Variants in PID1 observed in about 807,000 individuals in gnomAD.
PID1 encodes phosphotyrosine interaction domain containing 1.
PID1 carries 10 observed loss-of-function variants against 19.1 expected under a neutral mutation model. The observed-to-expected ratio is 0.52, with a 90% confidence interval of 0.32 to 0.89. The LOEUF (loss-of-function observed/expected upper bound fraction) is 0.89, where lower values mean the gene tolerates loss of function less well. PID1 is among the 40% of genes least tolerant of loss of function. The pLI is 0.03. For missense variants in PID1, 248 were observed against 285.3 expected (o/e 0.87, Z 0.94); for synonymous variants, 130 against 116.0 (o/e 1.12, Z -0.78).
At chr2:229,077,901 G>C (rs1480974252) in intron 2 of PID1, among the ~76,000 whole-genome samples, 1 of 152,174 alleles carries the variant, frequency 6.6e-6, no homozygotes. Flanking sequence ...ATTTAAAATA[G>C]TTTTTTCTAA....
At chr2:229,062,592 G>T (rs1190907698) in intron 2 of PID1, among the ~76,000 whole-genome samples, 1 of 151,748 alleles carries the variant, frequency 6.6e-6, no homozygotes. Context: ...TGGTGATGAT[G>T]ATTACCAAAA....
rs1690726836 is a variant in PID1, at chr2:229,271,105, G to A, written c.-62C>T. On this transcript the variant is annotated 5_prime_UTR_variant, in exon 1 of 3. Coordinates refer to ENST00000392055, the MANE Select transcript of PID1 (RefSeq NM_001100818.2). The stretch of plus-strand genomic sequence containing the variant: ...GAGACTGTCGATCGCGCCGGGGGGC[G>A]AGGGGCTGGGGTCCCGCTTTACATC... 2 of 1,520,216 alleles carry A rather than the reference G, an allele frequency of 1.3e-6. No homozygotes were observed. The highest frequency in any genetic ancestry group is 1.8e-6 in the Non-Finnish European group (2 of 1,126,370). 94.2% of individuals were successfully genotyped at this position (1,520,216 alleles called of 1,614,324 possible).
intron 1 of PID1, among the ~76,000 whole-genome samples, chr2:229,226,145 G>A (rs1559293289): frequency 6.6e-6 from 1 of 152,132 alleles, no homozygotes; most frequent in Non-Finnish European, 1.5e-5. Context: ...TTCCAGCCAG[G>A]ATGCTGATGC....
chr2:229,117,069 G>A (rs1695424623), intron 2 of PID1, among the ~76,000 whole-genome samples: 1 of 152,126 alleles, frequency 6.6e-6, no homozygotes, highest in Non-Finnish European at 1.5e-5. Context: ...TTATTTATAT[G>A]TGAATAGCTC....
At chr2:229,109,743 C>T (rs1008715148) in intron 2 of PID1, among the ~76,000 whole-genome samples, 1 of 152,146 alleles carries the variant, frequency 6.6e-6, no homozygotes, top group South Asian at 2.1e-4. Flanking sequence ...GATGTAACAC[C>T]TGGAATGTAT....
At chr2:229,057,969 A>G (rs1574593092) in intron 2 of PID1, among the ~76,000 whole-genome samples, 2 of 152,350 alleles carry the variant, frequency 1.3e-5, no homozygotes, top group South Asian at 2.1e-4. Flanking sequence ...GGAATTAGAA[A>G]GCAATTAGAA....
chr2:229,028,658 T>C (rs1283427634), intron 2 of PID1, among the ~76,000 whole-genome samples: 3 of 152,160 alleles, frequency 2.0e-5, no homozygotes, highest in Non-Finnish European at 4.4e-5. Context: ...GTGGTACATA[T>C]ACACCATGTA....
rs149388186 is a variant in PID1 at position 229,068,145 on chromosome 2, G to A, written c.178-42037C>T. Among the ~76,000 whole-genome samples the A allele has an allele frequency of 5.9e-3, 892 of 152,286 alleles. 8 individuals are homozygous for A. The highest frequency in any genetic ancestry group is 0.02 in the African/African-American group (849 of 41,554). ...CAGCTGTGAAGCTGCCCACTGCAAT[G>A]AGCTCCATGTAATGCACAATTGTAG... On this transcript the variant is annotated intron_variant, in intron 2 of 2. Coordinates refer to ENST00000392055, the MANE Select transcript of PID1 (RefSeq NM_001100818.2).
At chr2:229,096,718 T>C (rs943077514) in intron 2 of PID1, among the ~76,000 whole-genome samples, 4 of 152,202 alleles carry the variant, frequency 2.6e-5, no homozygotes, top group African/African-American at 9.6e-5. Flanking sequence ...AATTCAAGAC[T>C]GGCTTCTATC....
intron 2 of PID1, among the ~76,000 whole-genome samples, chr2:229,096,393 T>A (rs1694971623): frequency 1.3e-5 from 2 of 152,170 alleles, no homozygotes; most frequent in Admixed American, 1.3e-4. Context: ...CCCTGCTAAA[T>A]AGAGTGAAGA....
rs566760159 is a variant in PID1 at position 229,138,567 on chromosome 2, ACTCC to A, written c.177+17247_177+17250del. ...TGGTGTATAATGTATATGTATAAGG[ACTCC>A]CTCCTCAGAAAAAATGGATCATATT... On this transcript the variant is annotated intron_variant, in intron 2 of 2. Transcript: ENST00000392055. 1.4e-4 allele frequency among the ~76,000 whole-genome samples: 21 copies of A among 151,926 alleles called. No individual in the cohort carries two copies. In the South Asian group the frequency reaches 4.4e-3, roughly 32 times the overall value.
At chr2:229,246,828 A>C (rs1055548173) in intron 1 of PID1, among the ~76,000 whole-genome samples, 2 of 152,196 alleles carry the variant, frequency 1.3e-5, no homozygotes, top group African/African-American at 4.8e-5. Flanking sequence ...GTTGGTCAGC[A>C]CAAGAAGTCG....
At chr2:229,232,978 T>C (rs891471508) in intron 1 of PID1, among the ~76,000 whole-genome samples, 1 of 152,030 alleles carries the variant, frequency 6.6e-6, no homozygotes, top group African/African-American at 2.4e-5. Flanking sequence ...TTCCATATCA[T>C]AGTATGGCCA....
At chr2:229,188,071 T>C (rs2106228177) in intron 1 of PID1, among the ~76,000 whole-genome samples, 1 of 152,310 alleles carries the variant, frequency 6.6e-6, no homozygotes. Context: ...TTCTGATCCA[T>C]GACACAAATT....
chr2:229,049,145 C>T (rs1693940930), intron 2 of PID1, among the ~76,000 whole-genome samples: 1 of 152,090 alleles, frequency 6.6e-6, no homozygotes, highest in South Asian at 2.1e-4. Flanking sequence ...CCAATAGCTA[C>T]ATGGGAGACT....
At chr2:229,134,583 T>C (rs761314053) in intron 2 of PID1, among the ~76,000 whole-genome samples, 3 of 152,006 alleles carry the variant, frequency 2.0e-5, no homozygotes, top group Non-Finnish European at 2.9e-5. Context: ...GTGAACATTG[T>C]TGAAAAATGT....
intron 2 of PID1, among the ~76,000 whole-genome samples, chr2:229,028,322 C>G (rs565377032): frequency 1.8e-4 from 28 of 152,154 alleles, no homozygotes; most frequent in Non-Finnish European, 3.8e-4. Flanking sequence ...TATTTTTAAT[C>G]ACTTTATGCA....
At chr2:229,198,150 G>C (rs114462811) in intron 1 of PID1, among the ~76,000 whole-genome samples, 2,216 of 152,022 alleles carry the variant, frequency 0.015, 65 homozygotes, top group African/African-American at 0.051. Context: ...AAACTATATA[G>C]AAAAATCTTC....
Position 229,155,864 on chromosome 2 carries a change from C to T in PID1, c.131G>A (p.Cys44Tyr), listed in dbSNP as rs1559260780. Reference sequence around the variant, plus strand: ...TGTCTTCATCAGCGGTGTGGTCGTGCACAGCTCAATGGCCTCCGGCTCATG... The same window carrying T: ...TGTCTTCATCAGCGGTGTGGTCGTGTACAGCTCAATGGCCTCCGGCTCATG... Reference protein sequence around the residue: ...IFHEPEAIELCTTTPLMKTRT... With the variant: ...IFHEPEAIELYTTTPLMKTRT... The change falls in exon 2 of 3, where the codon TGC becomes TAC. Residue 44 changes from cysteine (C) to tyrosine (Y), a missense_variant. By Grantham distance (194) the Cys-to-Tyr change is radical (BLOSUM62 -2). Coordinates refer to ENST00000392055, the MANE Select transcript of PID1 (RefSeq NM_001100818.2). 6.2e-7 allele frequency: 1 copy of T among 1,613,736 alleles called. No homozygotes were observed. The highest frequency in any genetic ancestry group is 1.3e-5 in the African/African-American group (1 of 74,922).
Sources: allele counts gnomAD v4.1 joint callset (sites outside exome capture counted in the v4.1 genomes callset), GRCh38; gene constraint gnomAD v4.1.1; transcripts MANE v1.5; gene names NCBI Gene and HGNC (gene_info 2026-07-23, HGNC 2026-07-21).